PHACTR4: variants seen among roughly 807,000 people sequenced by gnomAD.
PHACTR4 encodes the protein protein phosphatase 1, regulatory subunit 124.
In PHACTR4, 51 loss-of-function variants were observed where a neutral mutation model predicts 72.7. That is an observed-to-expected ratio of 0.70 (90% CI 0.56 to 0.89). The LOEUF is 0.89. PHACTR4 is among the 40% of genes least tolerant of loss of function. The probability of loss-of-function intolerance (pLI) is 0.00; values close to 1 mark genes in which losing one functional copy is unlikely to be tolerated. For missense variants in PHACTR4, 731 were observed against 861.8 expected (o/e 0.85, Z 1.90); for synonymous variants, 255 against 302.5 (o/e 0.84, Z 1.63).
At chr1:28,475,804 T>G (rs551045116) in intron 7 of PHACTR4, among the ~76,000 whole-genome samples, 3 of 150,812 alleles carry the variant, frequency 2.0e-5, no homozygotes, top group Non-Finnish European at 2.9e-5. Flanking sequence ...TCGGTTCACT[T>G]CAACCTCTGC....
intron 1 of PHACTR4, among the ~76,000 whole-genome samples, chr1:28,386,680 A>G (rs1336693828): frequency 6.6e-6 from 1 of 152,016 alleles, no homozygotes. Flanking sequence ...CTATCCAATT[A>G]TTTTCAGTAG....
chr1:28,387,190 G>A lies in PHACTR4; in HGVS notation c.-39+17365G>A, dbSNP rs146865129. Among the ~76,000 whole-genome samples the A allele has an allele frequency of 4.4e-3, 658 of 150,922 alleles. 5 individuals are homozygous for A. Among genetic ancestry groups the A allele is most frequent in the Non-Finnish European group, 8.0e-3 (546 of 67,862 alleles). Reference sequence around the variant, plus strand: ...GTAGGAGAATCACTTGAACCCAGGAGGCAGAGGTTGCAGTAAGCTGAGATT... The same window carrying A: ...GTAGGAGAATCACTTGAACCCAGGAAGCAGAGGTTGCAGTAAGCTGAGATT... On this transcript the variant is annotated intron_variant, in intron 1 of 13. Transcript: ENST00000373839.
At chr1:28,481,990 C>T (rs1004008328) in intron 9 of PHACTR4, among the ~76,000 whole-genome samples, 8 of 151,790 alleles carry the variant, frequency 5.3e-5, no homozygotes, top group Non-Finnish European at 1.0e-4. Context: ...CTCTGCCTCC[C>T]GGGTTCAAGT....
intron 8 of PHACTR4, among the ~76,000 whole-genome samples, chr1:28,478,007 C>T (rs1660032345): frequency 6.6e-6 from 1 of 152,016 alleles, no homozygotes. Flanking sequence ...TTTCTTCTAT[C>T]TAATTCTGTT....
At chr1:28,443,284 T>TC (rs1657178940) in intron 2 of PHACTR4, among the ~76,000 whole-genome samples, 1 of 151,586 alleles carries the variant, frequency 6.6e-6, no homozygotes, top group Non-Finnish European at 1.5e-5. Context: ...TCTCTCTCTC[T>TC]TCTTTCTTTC....
rs191994286 is a variant in PHACTR4 at position 28,498,929 on chromosome 1, G to T, written c.*2380G>T. ...CTAAAAATACAAAAATTAGCCTGGCGTGGTGGCACGCATCTGTAATCCCAA... is the reference window on the plus strand; with the variant it reads ...CTAAAAATACAAAAATTAGCCTGGCTTGGTGGCACGCATCTGTAATCCCAA... On this transcript the variant is annotated 3_prime_UTR_variant, in exon 14 of 14. Coordinates refer to ENST00000373839, the MANE Select transcript of PHACTR4 (RefSeq NM_001048183.3). The T allele has an allele frequency of 1.3e-5, 2 of 151,680 alleles. No individual in the cohort carries two copies. The highest frequency in any genetic ancestry group is 2.4e-5 in the African/African-American group (1 of 41,308). The allele number at this position is 151,680 out of a possible 1,614,324, so 9.4% of individuals were successfully genotyped here. A position where few individuals can be genotyped will look rare whatever the true frequency, so the allele number is the denominator to read the frequency against.
At chr1:28,454,359 C>T (rs1049663268) in intron 2 of PHACTR4, among the ~76,000 whole-genome samples, 15 of 147,156 alleles carry the variant, frequency 1.0e-4, no homozygotes, top group African/African-American at 3.3e-4. Flanking sequence ...TCTCTGCAAG[C>T]TCCACCTCCC....
intron 2 of PHACTR4, among the ~76,000 whole-genome samples, chr1:28,447,227 G>A (rs1396481342): frequency 6.6e-6 from 1 of 151,836 alleles, no homozygotes; most frequent in African/African-American, 2.4e-5. Flanking sequence ...GGCCAGGCTG[G>A]TCTTGAACTC....
At chr1:28,451,046 C>T (rs1657932598) in intron 2 of PHACTR4, among the ~76,000 whole-genome samples, 1 of 145,698 alleles carries the variant, frequency 6.9e-6, no homozygotes, top group Admixed American at 7.1e-5. Context: ...TCTCCAACTC[C>T]TGACCTCAAG....
At chr1:28,407,265 CTATCATT>C (rs1654412567) in intron 1 of PHACTR4, 138 bp from the exon 2 acceptor site, 2 of 224,144 alleles carry the variant, frequency 8.9e-6, no homozygotes, top group African/African-American at 8.4e-5. Flanking sequence ...AAAAAAAAAA[CTATCATT>C]TAATAAGTTG....
At chr1:28,494,612 A>G (rs1458381184) in intron 13 of PHACTR4, among the ~76,000 whole-genome samples, 1 of 152,254 alleles carries the variant, frequency 6.6e-6, no homozygotes, top group Non-Finnish European at 1.5e-5. Flanking sequence ...AGATCGCGCA[A>G]CTGCGCTCCA....
chr1:28,436,265 A>G (rs889034182), intron 2 of PHACTR4, among the ~76,000 whole-genome samples: 5 of 152,074 alleles, frequency 3.3e-5, no homozygotes, highest in African/African-American at 1.2e-4. Flanking sequence ...TTTTTAAAAA[A>G]TTATTTTAAT....
At chr1:28,414,778 T>C (rs1655003722) in intron 2 of PHACTR4, among the ~76,000 whole-genome samples, 1 of 152,172 alleles carries the variant, frequency 6.6e-6, no homozygotes, top group African/African-American at 2.4e-5. Flanking sequence ...GATTCCAAAA[T>C]TCCGCCAGAG....
chr1:28,435,562 G>A (rs1024947215), intron 2 of PHACTR4, among the ~76,000 whole-genome samples: 1 of 152,228 alleles, frequency 6.6e-6, no homozygotes, highest in Non-Finnish European at 1.5e-5. Context: ...ACCACGTCCA[G>A]CCTTGTACTA....
intron 2 of PHACTR4, among the ~76,000 whole-genome samples, chr1:28,440,391 A>ATTTTTTTTTTTTT (rs1414224976): frequency 5.6e-5 from 5 of 89,952 alleles, no homozygotes; most frequent in African/African-American, 2.5e-4. Context: ...AAATTCATCA[A>ATTTTTTTTTTTTT]TTCTTTTTTT....
At chr1:28,413,008 C>T (rs1435281610) in intron 2 of PHACTR4, among the ~76,000 whole-genome samples, 1 of 152,178 alleles carries the variant, frequency 6.6e-6, no homozygotes, top group East Asian at 1.9e-4. Context: ...GTCTGAGCTC[C>T]ACCTCCTGTC....
intron 8 of PHACTR4, among the ~76,000 whole-genome samples, chr1:28,478,005 ATCTAAT>A (rs1223154299): frequency 6.6e-6 from 1 of 151,904 alleles, no homozygotes; most frequent in Non-Finnish European, 1.5e-5. Flanking sequence ...TATTTCTTCT[ATCTAAT>A]TCTGTTTTTA....
chr1:28,478,603 A>T (rs982986353), intron 8 of PHACTR4, among the ~76,000 whole-genome samples: 2 of 151,516 alleles, frequency 1.3e-5, no homozygotes, highest in African/African-American at 4.9e-5. Context: ...AGCTCATTTT[A>T]GTTTTTGTTT....
At chr1:28,490,703 G>A (rs1424885969) in intron 10 of PHACTR4, among the ~76,000 whole-genome samples, 1 of 150,496 alleles carries the variant, frequency 6.6e-6, no homozygotes, top group Non-Finnish European at 1.5e-5. Flanking sequence ...AAAATCAGCT[G>A]TGCATGGCAT....
Sources: gnomAD v4.1 joint callset for allele counts (sites outside exome capture counted in the v4.1 genomes callset) on GRCh38, gnomAD v4.1.1 for gene constraint, MANE v1.5 for transcripts, NCBI Gene and HGNC (gene_info 2026-07-23, HGNC 2026-07-21) for gene names.